The following PRKG1 variants were observed in gnomAD, a reference collection of about 807,000 sequenced individuals.
PRKG1 encodes protein kinase cGMP-dependent 1, also known as cGMP-dependent protein kinase 1.
In PRKG1, 35 loss-of-function variants were observed where a neutral mutation model predicts 88.1. That is an observed-to-expected ratio of 0.40 (90% CI 0.30 to 0.53). PRKG1 has a LOEUF of 0.53. PRKG1 is among the 20% of genes least tolerant of loss of function. The pLI, the probability that PRKG1 is intolerant of heterozygous loss-of-function variation, is 0.59. For synonymous variants in PRKG1, 303 were observed against 292.5 expected (o/e 1.04, Z -0.37); for missense variants, 540 against 839.8 (o/e 0.64, Z 4.41).
intron 3 of PRKG1, among the ~76,000 whole-genome samples, chr10:51,558,580 C>T (rs1837374074): frequency 6.6e-6 from 1 of 151,984 alleles, no homozygotes; most frequent in Admixed American, 6.6e-5. Flanking sequence ...TTCCTAAATG[C>T]TAAATGCCAA....
intron 5 of PRKG1, among the ~76,000 whole-genome samples, chr10:52,042,413 A>G (rs1845773615): frequency 6.6e-6 from 1 of 152,162 alleles, no homozygotes; most frequent in Non-Finnish European, 1.5e-5. Context: ...GCCCAGAAAT[A>G]AATCCACATA....
chr10:52,200,206 G>A (rs1408692551), intron 9 of PRKG1, among the ~76,000 whole-genome samples: 2 of 151,872 alleles, frequency 1.3e-5, no homozygotes, highest in African/African-American at 2.4e-5. Flanking sequence ...CCTCACCCTC[G>A]TCCCACCCTC....
rs577537316 is a variant in PRKG1 at position 51,842,245 on chromosome 10, C to T, written c.698+37555C>T. 4.1e-4 allele frequency among the ~76,000 whole-genome samples: 63 copies of T among 152,304 alleles called. 1 individual carries two copies. The Middle Eastern group carries it at 0.01, about 25-fold the overall frequency. Reference sequence around the variant, plus strand: ...TTGCATATCATTATTCTGGGATCACCAGTTACAAATAAGTGAAAACTGTCA... The same window carrying T: ...TTGCATATCATTATTCTGGGATCACTAGTTACAAATAAGTGAAAACTGTCA... On this transcript the variant is annotated intron_variant, in intron 4 of 17. Coordinates refer to ENST00000373980, the MANE Select transcript of PRKG1 (RefSeq NM_006258.4).
intron 4 of PRKG1, among the ~76,000 whole-genome samples, chr10:51,891,680 T>C (rs2132908070): frequency 6.6e-6 from 1 of 152,282 alleles, no homozygotes; most frequent in South Asian, 2.1e-4. Context: ...AAATAGTAAA[T>C]ATTATAGGTT....
rs1204203184 is a variant in PRKG1, at chr10:51,392,648, A to G, written c.479-75075A>G. On this transcript the variant is annotated intron_variant, in intron 2 of 17. Coordinates refer to ENST00000373980, the MANE Select transcript of PRKG1 (RefSeq NM_006258.4). ...GCGCGTTCTCAATGAGCTGTTGGGT[A>G]CACCTCCCAGACGGGGTGGTGGCTG... is the stretch of plus-strand genomic sequence containing the variant. 3.5e-3 allele frequency among the ~76,000 whole-genome samples: 524 copies of G among 151,270 alleles called. 3 individuals are homozygous for G. Among genetic ancestry groups the G allele is most frequent in the African/African-American group, 0.012 (504 of 41,274 alleles).
intron 2 of PRKG1, among the ~76,000 whole-genome samples, chr10:51,248,834 A>G (rs1187361173): frequency 6.6e-6 from 1 of 151,790 alleles, no homozygotes; most frequent in Non-Finnish European, 1.5e-5. Flanking sequence ...CATTACAACT[A>G]AGGTAAAATG....
At chr10:51,714,140 C>T (rs1011508969) in intron 3 of PRKG1, among the ~76,000 whole-genome samples, 5 of 152,008 alleles carry the variant, frequency 3.3e-5, no homozygotes, top group Admixed American at 6.6e-5. Flanking sequence ...CCACCAAGCC[C>T]GGTTAATTTT....
intron 2 of PRKG1, among the ~76,000 whole-genome samples, chr10:51,241,179 T>G (rs541783812): frequency 1.0e-3 from 156 of 152,208 alleles, no homozygotes; most frequent in Non-Finnish European, 1.9e-3. Context: ...GAATCTGAAA[T>G]GAAATCTGCC....
At chr10:51,002,245 A>G (rs971762812) in intron 1 of PRKG1, among the ~76,000 whole-genome samples, 6 of 152,030 alleles carry the variant, frequency 3.9e-5, no homozygotes, top group Non-Finnish European at 7.4e-5. Context: ...TTCTACCCCC[A>G]TAACAAATTA....
At chr10:51,569,018 A>G (rs1837680231) in intron 3 of PRKG1, among the ~76,000 whole-genome samples, 1 of 150,148 alleles carries the variant, frequency 6.7e-6, no homozygotes, top group Non-Finnish European at 1.5e-5. Context: ...TGTGTAATTC[A>G]GAAACTATTA....
intron 1 of PRKG1, among the ~76,000 whole-genome samples, chr10:51,095,860 A>G (rs1330290099): frequency 6.6e-6 from 1 of 152,278 alleles, no homozygotes; most frequent in African/African-American, 2.4e-5. Context: ...TCTTCATTTT[A>G]TTGAAGTCAT....
Position 51,463,301 on chromosome 10 carries a change from A to C in PRKG1, c.479-4422A>C, listed in dbSNP as rs571040233. Among the ~76,000 whole-genome samples, 17 of 152,140 alleles carry C rather than the reference A, an allele frequency of 1.1e-4. No individual in the cohort carries two copies. In the South Asian group the frequency reaches 3.3e-3, roughly 30 times the overall value. ...TAGTAGCAAACTGTAATATATAAAA[A>C]CCTCCAAACTGAGCTGTTTCTAAAT... On this transcript the variant is annotated intron_variant, in intron 2 of 17. Transcript: ENST00000373980.
At chr10:51,676,718 T>C (rs1306142218) in intron 3 of PRKG1, among the ~76,000 whole-genome samples, 1 of 152,210 alleles carries the variant, frequency 6.6e-6, no homozygotes, top group Admixed American at 6.5e-5. Context: ...TTTTCCATGG[T>C]CACAAATAAG....
chr10:51,343,800 A>G (rs534460538), intron 2 of PRKG1, among the ~76,000 whole-genome samples: 1 of 152,318 alleles, frequency 6.6e-6, no homozygotes, highest in Admixed American at 6.5e-5. Context: ...TCACTCAGCC[A>G]GGGAATAATA....
chr10:50,991,563 A>C lies in PRKG1; in HGVS notation c.185A>C (p.Gln62Pro). 6.2e-7 allele frequency: 1 copy of C among 1,606,604 alleles called. No individual in the cohort carries two copies. The highest frequency in any genetic ancestry group is 8.5e-7 in the Non-Finnish European group (1 of 1,177,466). The change falls in exon 1 of 18, where the codon CAG becomes CCG. Residue 62 changes from glutamine to proline, a missense_variant. Physicochemically the swap from Gln to Pro is moderately conservative, Grantham distance 76 (BLOSUM62 -1). Transcript: ENST00000401604. This position sits in a 1 kb window ranked among gnomAD's most constrained non-coding sequence, Gnocchi z 4.5. ...ATCGGCCCCCGGACCACCCGGGCGC[A>C]GGGCATCTCGGCCGAGCCGCAGACG...
intron 17 of PRKG1, among the ~76,000 whole-genome samples, chr10:52,291,381 A>G (rs1393080987): frequency 3.4e-5 from 5 of 146,344 alleles, no homozygotes; most frequent in Non-Finnish European, 7.5e-5. Context: ...CATTAGGTGT[A>G]TCTCCTAAAG....
At chr10:51,786,323 C>T (rs1838727444) in intron 3 of PRKG1, among the ~76,000 whole-genome samples, 1 of 151,616 alleles carries the variant, frequency 6.6e-6, no homozygotes, top group African/African-American at 2.4e-5. Flanking sequence ...GCCTTGAGCT[C>T]GATAAAGAGT....
chr10:51,034,668 TTATATATATATATATATATATATA>T (rs1554831108), intron 1 of PRKG1, among the ~76,000 whole-genome samples: 1 of 68,188 alleles, frequency 1.5e-5, no homozygotes, highest in Non-Finnish European at 2.7e-5. Flanking sequence ...AATATGTTAT[TTATATATATATATATATATATATA>T]TATATATATA....
chr10:51,828,871 A>G (rs1471715686), intron 4 of PRKG1, among the ~76,000 whole-genome samples: 3 of 152,262 alleles, frequency 2.0e-5, no homozygotes, highest in Non-Finnish European at 2.9e-5. Flanking sequence ...GAGACATAAT[A>G]TCCACATCAA....
Sources: allele counts gnomAD v4.1 joint callset (sites outside exome capture counted in the v4.1 genomes callset), GRCh38; gene constraint gnomAD v4.1.1; non-coding constraint Gnocchi (gnomAD v3.1); transcripts MANE v1.5; gene names NCBI Gene and HGNC (gene_info 2026-07-23, HGNC 2026-07-21).